Variants in TPH1 observed in about 807,000 individuals in gnomAD.
The protein encoded by TPH1 is tryptophan hydroxylase 1.
In TPH1, 37 loss-of-function variants were observed where a neutral mutation model predicts 49.5. The observed-to-expected ratio is 0.75, with a 90% confidence interval of 0.58 to 0.98. The LOEUF (loss-of-function observed/expected upper bound fraction) is 0.98, where lower values mean the gene tolerates loss of function less well. Ranked by LOEUF, TPH1 falls within the 50% of genes least tolerant of loss-of-function variation. The pLI is 0.00. For missense variants in TPH1, 487 were observed against 523.6 expected (o/e 0.93, Z 0.68); for synonymous variants, 160 against 182.1 (o/e 0.88, Z 0.98).
At chr11:18,026,284 T>C (rs1847927850) in intron 7 of TPH1, among the ~76,000 whole-genome samples, 1 of 151,018 alleles carries the variant, frequency 6.6e-6, no homozygotes, top group Non-Finnish European at 1.5e-5. Context: ...TAATAGGTTG[T>C]CAATTAATAA....
Position 18,020,150 on chromosome 11 carries a change from G to T in TPH1, c.*841C>A. 6.0e-6 allele frequency: 1 copy of T among 165,940 alleles called. No individual in the cohort carries two copies. The highest frequency in any genetic ancestry group is 1.3e-5 in the Non-Finnish European group (1 of 76,830). The allele number at this position is 165,940 out of a possible 1,614,324, so 10.3% of individuals were successfully genotyped here. On this transcript the variant is annotated 3_prime_UTR_variant, in exon 11 of 11. Coordinates refer to ENST00000682019, the MANE Select transcript of TPH1 (RefSeq NM_004179.3). Reference sequence around the variant, plus strand: ...ACCTAGGACCACATGTCTGAGTACAGCCCCATGCAAGTCGCATCTCTACTA... The same window carrying T: ...ACCTAGGACCACATGTCTGAGTACATCCCCATGCAAGTCGCATCTCTACTA...
chr11:18,024,417 G>C (rs1847906975), intron 8 of TPH1, among the ~76,000 whole-genome samples: 1 of 152,164 alleles, frequency 6.6e-6, no homozygotes, highest in Non-Finnish European at 1.5e-5. Context: ...TTTAATGTCT[G>C]GCTAGAAGAC....
chr11:18,025,747 G>A (rs764452875), intron 7 of TPH1, 46 bp from the exon 8 acceptor site: 8 of 1,610,380 alleles, frequency 5.0e-6, no homozygotes, highest in East Asian at 4.5e-5. Context: ...CTTAACATAC[G>A]TTTATAATCA....
At chr11:18,039,240 T>C (rs1848075708) in intron 2 of TPH1, among the ~76,000 whole-genome samples, 2 of 152,358 alleles carry the variant, frequency 1.3e-5, no homozygotes, top group Non-Finnish European at 2.9e-5. Flanking sequence ...CTAACATCTA[T>C]TGTTCACTTA....
At chr11:18,037,461 A>T (rs1321573495) in intron 2 of TPH1, among the ~76,000 whole-genome samples, 6 of 152,186 alleles carry the variant, frequency 3.9e-5, no homozygotes, top group Non-Finnish European at 7.3e-5. Flanking sequence ...TTATCTGGGA[A>T]CATATAATTT....
rs117034042 is a variant in TPH1, at chr11:18,042,689, T to G, written c.-26-1901A>C. Among the ~76,000 whole-genome samples, 12 of 152,252 alleles carry G rather than the reference T, an allele frequency of 7.9e-5. No homozygotes were observed. In the East Asian group the frequency reaches 2.3e-3, roughly 29 times the overall value. On this transcript the variant is annotated intron_variant, in intron 1 of 10. Transcript: ENST00000682019. ...TTGCTAACCTACACTAAGTACTCAATAAGTATTATCTCAAGTAATGGGGAA... is the reference window on the plus strand; with the variant it reads ...TTGCTAACCTACACTAAGTACTCAAGAAGTATTATCTCAAGTAATGGGGAA...
intron 7 of TPH1, 102 bp from the exon 8 acceptor site, chr11:18,025,803 G>C: frequency 6.6e-7 from 1 of 1,506,762 alleles, no homozygotes. Context: ...TAATGATCGG[G>C]TGATAATACT....
chr11:18,042,323 A>G (rs185749520), intron 1 of TPH1: 116 of 451,886 alleles, frequency 2.6e-4, no homozygotes, highest in African/African-American at 2.2e-3. Flanking sequence ...CATTCTCAAA[A>G]TGTTTTTAGG....
Position 18,026,574 on chromosome 11 carries a change from T to C in TPH1, c.719A>G (p.Asp240Gly). 1.2e-6 allele frequency: 2 copies of C among 1,613,928 alleles called. No individual in the cohort carries two copies. Among genetic ancestry groups the C allele is most frequent in the Middle Eastern group, 3.3e-4 (2 of 6,062 alleles). ...RPVAGYLSPR[D>G]FLSGLAFRVF... is the part of the protein sequence containing the mutation. ...TCGAAAGGCTAAACCTGATAAGAAA[T>C]CTCTTGGTGATAAGTAACCAGCCAC... The change falls in exon 7 of 11, where the codon GAT (aspartate) becomes GGT (glycine). Residue 240 changes from aspartate to glycine, a missense_variant. Physicochemically the swap from Asp to Gly is moderately conservative, Grantham distance 94 (BLOSUM62 -1). Transcript: ENST00000682019.
rs551421440 is a variant in TPH1 at position 18,026,443 on chromosome 11, T to C, written c.803+47A>G. 4 of 1,534,904 alleles carry C rather than the reference T, an allele frequency of 2.6e-6. No individual in the cohort carries two copies. The Admixed American group carries it at 5.0e-5, about 19-fold the overall frequency. ...GAACCCATAAGGTAGATGCCATTATTATAAATAACCATTTGATGAATTCCT... is the reference window on the plus strand; with the variant it reads ...GAACCCATAAGGTAGATGCCATTATCATAAATAACCATTTGATGAATTCCT... On this transcript the variant is annotated intron_variant, in intron 7 of 10. Coordinates refer to ENST00000682019, the MANE Select transcript of TPH1 (RefSeq NM_004179.3).
At position 18,018,267 on chromosome 11, in the gene TPH1, G is replaced by T. The variant is rs1019574893; in HGVS notation, c.*2724C>A. The T allele has an allele frequency of 6.6e-6, 1 of 151,942 alleles. No individual in the cohort carries two copies. Among genetic ancestry groups the T allele is most frequent in the African/African-American group, 2.4e-5 (1 of 41,340 alleles). The allele number at this position is 151,942 out of a possible 1,614,324, so 9.4% of individuals were successfully genotyped here. A position where few individuals can be genotyped will look rare whatever the true frequency, so the allele number is the denominator to read the frequency against. ...TTTACATATTCCTAGGTGCTTTGAA[G>T]ACATATATTTAAAATGCATGAAAAT... On this transcript the variant is annotated 3_prime_UTR_variant, in exon 11 of 11. Coordinates refer to ENST00000682019, the MANE Select transcript of TPH1 (RefSeq NM_004179.3).
Position 18,033,289 on chromosome 11 carries a change from T to C in TPH1, c.387A>G (p.Leu129=), listed in dbSNP as rs374400952. The change falls in exon 4 of 11, where the codon CTA becomes CTG. Residue 129 remains leucine (L), a synonymous_variant. Transcript: ENST00000682019. ...ANRVLMYGSE[L]DADHPGFKDN... ...AAATACTTACAGGATGGTCTGCATCTAGTTCAGATCCATACATCAGAACTC... is the reference window on the plus strand; with the variant it reads ...AAATACTTACAGGATGGTCTGCATCCAGTTCAGATCCATACATCAGAACTC... 1.8e-5 allele frequency: 29 copies of C among 1,612,890 alleles called. No individual in the cohort carries two copies. Among genetic ancestry groups the C allele is most frequent in the Non-Finnish European group, 2.4e-5 (28 of 1,179,022 alleles).
chr11:18,018,935 TTTTAA>T lies in TPH1; in HGVS notation c.*2051_*2055del, dbSNP rs1449998988. 3 of 152,124 alleles carry T rather than the reference TTTTAA, an allele frequency of 2.0e-5. No homozygotes were observed. The highest frequency in any genetic ancestry group is 4.4e-5 in the Non-Finnish European group (3 of 68,012). 9.4% of individuals were successfully genotyped at this position (152,124 alleles called of 1,614,324 possible). A position where few individuals can be genotyped will look rare whatever the true frequency, so the allele number is the denominator to read the frequency against. ...TTCTACATGTTCTAAGATTTGCTTTTTTTAATTTCTTTTTTTCTACATGTTCTAAG... is the reference window on the plus strand; with the variant it reads ...TTCTACATGTTCTAAGATTTGCTTTTTTTCTTTTTTTCTACATGTTCTAAG... On this transcript the variant is annotated 3_prime_UTR_variant, in exon 11 of 11. Transcript: ENST00000682019.
At chr11:18,032,365 A>G (rs1847998700) in intron 4 of TPH1, among the ~76,000 whole-genome samples, 1 of 152,118 alleles carries the variant, frequency 6.6e-6, no homozygotes, top group Non-Finnish European at 1.5e-5. Context: ...GCTCATTTAA[A>G]TAAAAACTGA....
intron 2 of TPH1, among the ~76,000 whole-genome samples, chr11:18,037,375 T>A (rs917373339): frequency 3.7e-5 from 5 of 133,754 alleles, no homozygotes; most frequent in East Asian, 2.1e-4. Context: ...AAAAAAAAAA[T>A]ATTATCAGGG....
chr11:18,019,698 A>C lies in TPH1; in HGVS notation c.*1293T>G, dbSNP rs1854336370. ...ATGAAGAGATGGCAAAAAGAGTAGA[A>C]GTGCAAAGACAGAAACTTGAAGAAC... On this transcript the variant is annotated 3_prime_UTR_variant, in exon 11 of 11. Transcript: ENST00000682019. 2.2e-6 allele frequency: 1 copy of C among 463,992 alleles called. No individual in the cohort carries two copies. Among genetic ancestry groups the C allele is most frequent in the Admixed American group, 2.3e-5 (1 of 43,354 alleles). 28.7% of individuals were successfully genotyped at this position (463,992 alleles called of 1,614,324 possible). A position where few individuals can be genotyped will look rare whatever the true frequency, so the allele number is the denominator to read the frequency against.
intron 2 of TPH1, among the ~76,000 whole-genome samples, chr11:18,037,543 A>G (rs1848058666): frequency 1.3e-5 from 2 of 152,186 alleles, no homozygotes; most frequent in African/African-American, 2.4e-5. Context: ...GTTTCATTTC[A>G]TCTATTTCTT....
intron 3 of TPH1, among the ~76,000 whole-genome samples, chr11:18,035,019 G>T (rs769117372): frequency 1.3e-5 from 2 of 152,316 alleles, no homozygotes; most frequent in South Asian, 2.1e-4. Flanking sequence ...TAGATCCCTC[G>T]CACTCGCAGT....
At chr11:18,033,464 C>A in intron 3 of TPH1, 90 bp from the exon 4 acceptor site, 5 of 1,040,410 alleles carry the variant, frequency 4.8e-6, no homozygotes, top group Non-Finnish European at 7.3e-6. Context: ...AAATTAAATT[C>A]AGTTGGATGA....
Sources: gnomAD v4.1 joint callset for allele counts (sites outside exome capture counted in the v4.1 genomes callset) on GRCh38, gnomAD v4.1.1 for gene constraint, MANE v1.5 for transcripts, NCBI Gene and HGNC (gene_info 2026-07-23, HGNC 2026-07-21) for gene names.